ASAH1: variants seen among roughly 807,000 people sequenced by gnomAD.
ASAH1 encodes N-acylsphingosine amidohydrolase 1.
In ASAH1, 70 loss-of-function variants were observed where a neutral mutation model predicts 59.5. The ratio of observed to expected loss-of-function variants is 1.18; its 90% CI spans 0.97 to 1.43. ASAH1 has a LOEUF of 1.43. Among genes scored for constraint, ASAH1 ranks in the 40% most tolerant of loss-of-function variants. The probability of loss-of-function intolerance (pLI) is 0.00; values close to 1 mark genes in which losing one functional copy is unlikely to be tolerated. For missense variants in ASAH1, 660 were observed against 482.5 expected (o/e 1.37, Z -3.45); for synonymous variants, 213 against 166.5 (o/e 1.28, Z -2.15).
chr8:18,077,192 G>A (rs1800438655), intron 1 of ASAH1, among the ~76,000 whole-genome samples: 1 of 152,158 alleles, frequency 6.6e-6, no homozygotes, highest in Non-Finnish European at 1.5e-5. Flanking sequence ...ATCCACAAGA[G>A]CAAATGAAGC....
At chr8:18,063,258 G>C (rs760687872) in intron 6 of ASAH1, 28 bp from the exon 7 acceptor site, 2 of 1,572,192 alleles carry the variant, frequency 1.3e-6, no homozygotes, top group South Asian at 2.2e-5. Flanking sequence ...GAAGAGACGT[G>C]TAATAGCAGT....
chr8:18,084,783 G>A (rs531547094), upstream of ASAH1: 4 of 1,613,574 alleles, frequency 2.5e-6, no homozygotes, highest in African/African-American at 5.3e-5. Flanking sequence ...TTCTCTCCCA[G>A]CCCGATGCAG....
At chr8:18,079,676 T>C (rs548800210) in intron 1 of ASAH1, among the ~76,000 whole-genome samples, 79 of 152,328 alleles carry the variant, frequency 5.2e-4, no homozygotes, top group African/African-American at 1.9e-3. Flanking sequence ...TAAAATTACA[T>C]ACCTCATGTC....
intron 1 of ASAH1, among the ~76,000 whole-genome samples, chr8:18,080,083 C>A (rs1408680578): frequency 2.0e-5 from 3 of 152,146 alleles, no homozygotes; most frequent in Non-Finnish European, 4.4e-5. Flanking sequence ...CCTGTGTGTT[C>A]CCTCTTTGGG....
chr8:18,066,396 C>T (rs1041903016), intron 5 of ASAH1: 5 of 145,418 alleles, frequency 3.4e-5, no homozygotes, highest in African/African-American at 5.2e-5. Context: ...CTTCACAAGC[C>T]CTTCTCCAAA....
intron 3 of ASAH1, among the ~76,000 whole-genome samples, chr8:18,070,383 C>T (rs1216827654): frequency 1.3e-5 from 2 of 151,964 alleles, no homozygotes; most frequent in Non-Finnish European, 2.9e-5. Flanking sequence ...CTCCTGACCT[C>T]GTGATCCACC....
At position 18,063,242 on chromosome 8, in the gene ASAH1, TAGAC is replaced by T; in HGVS notation, c.458-16_458-13del. 2 of 1,610,964 alleles carry T rather than the reference TAGAC, an allele frequency of 1.2e-6. No homozygotes were observed. Among genetic ancestry groups the T allele is most frequent in the Non-Finnish European group, 8.5e-7 (1 of 1,177,174 alleles). ...ATGTATTAGATGACCTATTTGAAGG[TAGAC>T]AGAAGAGACGTGTAATAGCAGTTAA... is the stretch of plus-strand genomic sequence containing the variant. On this transcript the variant is annotated splice_polypyrimidine_tract_variant and intron_variant, in intron 6 of 13. Transcript: ENST00000637790.
chr8:18,064,883 CATAT>C (rs549833641), intron 5 of ASAH1: 158 of 199,696 alleles, frequency 7.9e-4, no homozygotes, highest in African/African-American at 3.5e-3. Context: ...GTTTGCTGGA[CATAT>C]ATTTTGCCCA....
At position 18,063,125 on chromosome 8, in the gene ASAH1, C is replaced by A. The variant is rs1364270341; in HGVS notation, c.503+60G>T. On this transcript the variant is annotated intron_variant, in intron 7 of 13. Coordinates refer to ENST00000637790, the MANE Select transcript of ASAH1 (RefSeq NM_177924.5). ...CCTCGTGATCCACCCGTGTCAGCCT[C>A]CCAAAAAGCTGGGATTACAGGCGTG... The A allele has an allele frequency of 3.3e-6, 5 of 1,538,266 alleles. No individual in the cohort carries two copies. In the African/African-American group the frequency reaches 5.5e-5, roughly 17 times the overall value.
At chr8:18,078,809 T>C (rs1407404213) in intron 1 of ASAH1, among the ~76,000 whole-genome samples, 2 of 152,168 alleles carry the variant, frequency 1.3e-5, no homozygotes, top group African/African-American at 4.8e-5. Context: ...TGGTATACTA[T>C]GTACACCCTA....
At chr8:18,078,047 T>G (rs563806794) in intron 1 of ASAH1, among the ~76,000 whole-genome samples, 2 of 152,262 alleles carry the variant, frequency 1.3e-5, no homozygotes, top group African/African-American at 4.8e-5. Context: ...TCAAACAGCT[T>G]CCCACAGAGA....
rs1220911905 is a variant in ASAH1, at chr8:18,069,806, C to G, written c.289G>C (p.Val97Leu). Residue 97 changes from valine to leucine, a missense_variant, in exon 4 of 14, where the codon GTG (valine) becomes CTG (leucine). Coordinates refer to ENST00000637790, the MANE Select transcript of ASAH1 (RefSeq NM_177924.5). ...FVPSGKIMQV[V>L]DEKLPGLLGN... ...ATATCTCTTACCAATTTTTCATCCACCACCTGCATAATTTTTCCACTTGGC... is the reference window on the plus strand; with the variant it reads ...ATATCTCTTACCAATTTTTCATCCAGCACCTGCATAATTTTTCCACTTGGC... 1.9e-5 allele frequency: 30 copies of G among 1,581,514 alleles called. No individual in the cohort carries two copies. Among genetic ancestry groups the G allele is most frequent in the Non-Finnish European group, 2.5e-5 (29 of 1,151,648 alleles).
At chr8:18,073,318 T>A (rs756939334) in intron 2 of ASAH1, 1 of 1,538,638 alleles carries the variant, frequency 6.5e-7, no homozygotes, top group African/African-American at 1.4e-5. Flanking sequence ...CTTAGCAGCA[T>A]TGGTATTCAA....
intron 5 of ASAH1, chr8:18,066,136 T>C (rs1297031561): frequency 1.3e-5 from 2 of 152,036 alleles, no homozygotes; most frequent in East Asian, 1.9e-4. Flanking sequence ...TATAAGCATA[T>C]ATATATGACT....
Position 18,083,959 on chromosome 8 carries a change from G to A in ASAH1, c.78+22C>T, listed in dbSNP as rs376345594. The A allele has an allele frequency of 5.6e-4, 897 of 1,594,732 alleles. No homozygotes were observed. The highest frequency in any genetic ancestry group is 6.9e-4 in the Non-Finnish European group (813 of 1,178,108). Reference sequence around the variant, plus strand: ...CCCGCACCTGCACGCCCCTCTCTGCGCCTCGGCTCAAGCTCACTCACCGGC... The same window carrying A: ...CCCGCACCTGCACGCCCCTCTCTGCACCTCGGCTCAAGCTCACTCACCGGC... On this transcript the variant is annotated intron_variant, in intron 1 of 13. Coordinates refer to ENST00000637790, the MANE Select transcript of ASAH1 (RefSeq NM_177924.5).
intron 7 of ASAH1, chr8:18,062,781 T>G: frequency 2.6e-6 from 1 of 385,580 alleles, no homozygotes; most frequent in Non-Finnish European, 4.8e-6. Context: ...TCTTCACTTA[T>G]GATCACATTT....
chr8:18,084,236 A>G (rs1800795612), upstream of ASAH1: 1 of 1,472,668 alleles, frequency 6.8e-7, no homozygotes, highest in Middle Eastern at 2.5e-4. Context: ...GGGGCTTTTC[A>G]GTGCCACGAA....
intron 4 of ASAH1, chr8:18,068,213 G>C (rs1800012282): frequency 1.3e-5 from 2 of 152,088 alleles, no homozygotes; most frequent in South Asian, 4.1e-4. Flanking sequence ...GGTTTCATAG[G>C]TTAAGAAACT....
chr8:18,071,795 G>C (rs1206655277), intron 2 of ASAH1, among the ~76,000 whole-genome samples: 1 of 152,050 alleles, frequency 6.6e-6, no homozygotes, highest in Non-Finnish European at 1.5e-5. Flanking sequence ...CTCTCTCAGA[G>C]AGTGTAACAC....
Sources: allele counts gnomAD v4.1 joint callset (sites outside exome capture counted in the v4.1 genomes callset), GRCh38; gene constraint gnomAD v4.1.1; transcripts MANE v1.5; gene names NCBI Gene and HGNC (gene_info 2026-07-23, HGNC 2026-07-21).